RYR1: variants seen among roughly 807,000 people sequenced by gnomAD.
RYR1 encodes the protein central core disease of muscle.
A neutral mutation model predicts 583.5 loss-of-function variants in RYR1; 342 were observed. That is an observed-to-expected ratio of 0.59 (90% CI 0.54 to 0.64). The LOEUF is 0.64. Ranked by LOEUF, RYR1 falls within the 30% of genes least tolerant of loss-of-function variation. RYR1 has a pLI of 0.00. For synonymous variants in RYR1, 2,791 were observed against 2,822.5 expected (o/e 0.99, Z 0.35); for missense variants, 6,032 against 6,917.2 (o/e 0.87, Z 4.54).
intron 29 of RYR1, 30 bp downstream of exon 29, chr19:38,475,480 T>TC: frequency 1.2e-6 from 2 of 1,611,580 alleles, no homozygotes; most frequent in Non-Finnish European, 8.5e-7. Flanking sequence ...AATTTTGGGG[T>TC]CCCCCCGCAT....
At chr19:38,536,391 A>G (rs1000194385) in intron 82 of RYR1, among the ~76,000 whole-genome samples, 2 of 148,102 alleles carry the variant, frequency 1.4e-5, no homozygotes, top group Non-Finnish European at 3.0e-5. Context: ...TTCTCTTATT[A>G]ATGTCCCTAA....
At position 38,512,103 on chromosome 19, in the gene RYR1, T is replaced by C. The variant is rs751755480; in HGVS notation, c.9204T>C (p.Leu3068=). Residue 3068 remains leucine (L), a synonymous_variant, in exon 62 of 106, where the codon CTT becomes CTC. Coordinates refer to ENST00000359596, the MANE Select transcript of RYR1 (RefSeq NM_000540.3). The surrounding 1 kb of genome is among the most constrained non-coding windows in gnomAD (Gnocchi z 5.1). ...ACGCCCCAGCTGTGGTCAACTGTCTTCACATCCTGGCCCGCTCCCTGGATG... is the reference window on the plus strand; with the variant it reads ...ACGCCCCAGCTGTGGTCAACTGTCTCCACATCCTGGCCCGCTCCCTGGATG... ...GTDAPAVVNC[L]HILARSLDAR... The C allele has an allele frequency of 1.2e-6, 2 of 1,614,164 alleles. No homozygotes were observed. Among genetic ancestry groups the C allele is most frequent in the South Asian group, 1.1e-5 (1 of 91,076 alleles).
At chr19:38,535,277 T>C (rs1472811139) in intron 80 of RYR1, 39 bp from the exon 81 acceptor site, 3 of 1,613,168 alleles carry the variant, frequency 1.9e-6, no homozygotes. Context: ...GGTTCCTGTG[T>C]GACTCCCAGT....
At chr19:38,489,929 G>A (rs1442048540) in intron 35 of RYR1, 147 bp from the exon 36 acceptor site, 1 of 827,948 alleles carries the variant, frequency 1.2e-6, no homozygotes, top group Non-Finnish European at 2.0e-6. Context: ...CATGCTTGAG[G>A]AAGGCAGGCT....
At chr19:38,468,088 C>A (rs1968218187) in intron 25 of RYR1, among the ~76,000 whole-genome samples, 2 of 147,978 alleles carry the variant, frequency 1.4e-5, no homozygotes, top group African/African-American at 5.0e-5. Flanking sequence ...ATCCATCCAT[C>A]CATCCAACCA....
At position 38,558,908 on chromosome 19, in the gene RYR1, T is replaced by TG. The variant is rs1301997417; in HGVS notation, c.12283-2203dup. 8.5e-5 allele frequency among the ~76,000 whole-genome samples: 13 copies of TG among 152,314 alleles called. 1 individual carries two copies. In the South Asian group the frequency reaches 2.1e-3, roughly 24 times the overall value. ...GAGTTCAAGGCCAGCCTGGCCAACA[T>TG]GGCGAAACCCTGTCTCTACTAAAAA... On this transcript the variant is annotated intron_variant, in intron 89 of 105. Coordinates refer to ENST00000359596, the MANE Select transcript of RYR1 (RefSeq NM_000540.3).
intron 23 of RYR1, among the ~76,000 whole-genome samples, chr19:38,465,620 C>T (rs1235546596): frequency 1.3e-5 from 2 of 151,808 alleles, no homozygotes; most frequent in East Asian, 1.9e-4. Flanking sequence ...CAAAATTAGC[C>T]GGGTGTGGTG....
chr19:38,439,998 G>A (rs1972599149), intron 1 of RYR1, among the ~76,000 whole-genome samples: 1 of 152,222 alleles, frequency 6.6e-6, no homozygotes, highest in Non-Finnish European at 1.5e-5. Context: ...ACCTTCCAGT[G>A]GATCACTTTG....
intron 63 of RYR1, among the ~76,000 whole-genome samples, chr19:38,514,051 A>G (rs527494457): frequency 1.3e-5 from 2 of 152,142 alleles, no homozygotes; most frequent in South Asian, 4.1e-4. Context: ...GTGTCTCTGT[A>G]GTGTCTTTAA....
chr19:38,509,804 T>C (rs972405045), intron 58 of RYR1, among the ~76,000 whole-genome samples: 8 of 152,234 alleles, frequency 5.3e-5, no homozygotes, highest in Admixed American at 5.2e-4. Flanking sequence ...ACCATTATTA[T>C]TGTTTGAAAT....
chr19:38,523,726 C>A, intron 69 of RYR1, 189 bp from the exon 70 acceptor site: 1 of 696,426 alleles, frequency 1.4e-6, no homozygotes, highest in South Asian at 1.7e-5. Flanking sequence ...CTATCCTTCT[C>A]AGCACTGCCC....
chr19:38,504,938 G>A, intron 51 of RYR1, 27 bp downstream of exon 51: 1 of 1,612,668 alleles, frequency 6.2e-7, no homozygotes, highest in Non-Finnish European at 8.5e-7. Context: ...GGGAGACAGA[G>A]AGGAAGATTT....
chr19:38,510,448 G>A (rs767128221), intron 58 of RYR1, 50 bp from the exon 59 acceptor site: 1 of 1,600,358 alleles, frequency 6.2e-7, no homozygotes, highest in Non-Finnish European at 8.6e-7. Flanking sequence ...AGAACACCCT[G>A]GGTTCCCCAG....
Position 38,529,043 on chromosome 19 carries a change from C to T in RYR1, c.11127C>T (p.Ala3709=). Residue 3709 remains alanine, a synonymous_variant, in exon 76 of 106, where the codon GCC becomes GCT. Coordinates refer to ENST00000359596, the MANE Select transcript of RYR1 (RefSeq NM_000540.3). The stretch of plus-strand genomic sequence containing the variant: ...TGGTCCTGCACTTCAGCCGCACTGC[C>T]CTGACGGAAAAGAGGTGAAGACTCT... ...HQLVLHFSRT[A]LTEKSKLDED... The T allele has an allele frequency of 6.2e-7, 1 of 1,613,842 alleles. No individual in the cohort carries two copies.
rs1970235431 is a variant in RYR1 at position 38,502,804 on chromosome 19, CAGGGGGAGGAGCAGGGGCAGG to C, written c.7836-75_7836-55del. The C allele has an allele frequency of 1.7e-5, 15 of 862,026 alleles. No homozygotes were observed. In the East Asian group the frequency reaches 5.1e-4, roughly 29 times the overall value. The allele number at this position is 862,026 out of a possible 1,614,324, so 53.4% of individuals were successfully genotyped here. On this transcript the variant is annotated intron_variant, in intron 48 of 105. Transcript: ENST00000359596. ...GCAGGGGCAGGGGCAGGGGCAGGGGCAGGGGGAGGAGCAGGGGCAGGGGCAGCAGAGCGGGCCTGGACGGGG... is the reference window on the plus strand; with the variant it reads ...GCAGGGGCAGGGGCAGGGGCAGGGGCGGCAGCAGAGCGGGCCTGGACGGGG...
chr19:38,561,055 A>AG lies in RYR1; in HGVS notation c.12283-58_12283-57insG. The AG allele has an allele frequency of 6.9e-7, 1 of 1,452,228 alleles. No individual in the cohort carries two copies. Among genetic ancestry groups the AG allele is most frequent in the Non-Finnish European group, 9.4e-7 (1 of 1,063,572 alleles). 90.0% of individuals were successfully genotyped at this position (1,452,228 alleles called of 1,614,324 possible). Reference sequence around the variant, plus strand: ...GACCTTGTCTTAAAAAAAAAAAAAAAAAGAGAGAGAATTGAGGCTCTCCAG... The same window carrying AG: ...GACCTTGTCTTAAAAAAAAAAAAAAAGAAGAGAGAGAATTGAGGCTCTCCAG... On this transcript the variant is annotated intron_variant, in intron 89 of 105. Coordinates refer to ENST00000359596, the MANE Select transcript of RYR1 (RefSeq NM_000540.3). This position sits in a 1 kb window ranked among gnomAD's most constrained non-coding sequence, Gnocchi z 4.8.
At chr19:38,536,702 TTC>T in intron 82 of RYR1, 46 bp from the exon 83 acceptor site, 1 of 1,612,598 alleles carries the variant, frequency 6.2e-7, no homozygotes, top group Non-Finnish European at 8.5e-7. Flanking sequence ...CCCTCTCTTT[TTC>T]TCTCTTTTCT....
chr19:38,585,779 G>A (rs766914943), intron 102 of RYR1, among the ~76,000 whole-genome samples, 159 bp from the exon 103 acceptor site: 5 of 152,060 alleles, frequency 3.3e-5, no homozygotes, highest in South Asian at 2.1e-4. Flanking sequence ...CACCGCACCC[G>A]GCCAATAAAG....
At chr19:38,516,038 A>G in intron 64 of RYR1, 49 bp from the exon 65 acceptor site, 1 of 1,534,884 alleles carries the variant, frequency 6.5e-7, no homozygotes, top group Non-Finnish European at 8.8e-7. Flanking sequence ...GGGACCCAGG[A>G]CCCCAAAGAG....
Sources: gnomAD v4.1 joint callset for allele counts (sites outside exome capture counted in the v4.1 genomes callset) on GRCh38, gnomAD v4.1.1 for gene constraint, Gnocchi (gnomAD v3.1) non-coding constraint, MANE v1.5 for transcripts, NCBI Gene and HGNC (gene_info 2026-07-23, HGNC 2026-07-21) for gene names.